MED26: variants seen among roughly 807,000 people sequenced by gnomAD.
The protein encoded by MED26 is mediator of RNA polymerase II transcription subunit 26.
MED26 carries 7 observed loss-of-function variants against 43.7 expected under a neutral mutation model. That is an observed-to-expected ratio of 0.16 (90% CI 0.09 to 0.30). The LOEUF (loss-of-function observed/expected upper bound fraction) is 0.30, where lower values mean the gene tolerates loss of function less well. Ranked by LOEUF, MED26 falls within the 10% of genes least tolerant of loss-of-function variation. The pLI is 1.00. For synonymous variants in MED26, 375 were observed against 371.1 expected, an observed-to-expected ratio of 1.01 and a Z score of -0.12; for missense variants, 784 against 840.6, an observed-to-expected ratio of 0.93 and a Z score of 0.83.
chr19:16,590,266 C>G (rs2086089844), intron 1 of MED26, among the ~76,000 whole-genome samples: 1 of 152,206 alleles, frequency 6.6e-6, no homozygotes, highest in African/African-American at 2.4e-5. Flanking sequence ...CCACCCCCAA[C>G]AGGTATTAAG....
At chr19:16,624,309 T>C (rs993536230) in intron 1 of MED26, 1 of 152,222 alleles carries the variant, frequency 6.6e-6, no homozygotes, top group Admixed American at 6.5e-5. Context: ...ATGATCTTTC[T>C]TGCTGTGTCT....
chr19:16,616,179 T>G (rs754903483), intron 1 of MED26, among the ~76,000 whole-genome samples: 1 of 152,316 alleles, frequency 6.6e-6, no homozygotes, highest in Non-Finnish European at 1.5e-5. Context: ...AGCATGCATG[T>G]GAGCACCCAG....
chr19:16,606,288 C>T (rs530464646), intron 1 of MED26, among the ~76,000 whole-genome samples: 7 of 152,174 alleles, frequency 4.6e-5, no homozygotes, highest in African/African-American at 1.7e-4. Flanking sequence ...CAGTGACTCA[C>T]GCCTGTAATC....
At chr19:16,601,782 C>G (rs753203885) in intron 1 of MED26, among the ~76,000 whole-genome samples, 4 of 152,262 alleles carry the variant, frequency 2.6e-5, no homozygotes, top group Non-Finnish European at 5.9e-5. Flanking sequence ...GGTGGGGACA[C>G]CTCCCGGCAG....
At chr19:16,619,541 A>G (rs1377944390) in intron 1 of MED26, among the ~76,000 whole-genome samples, 2 of 152,224 alleles carry the variant, frequency 1.3e-5, no homozygotes, top group Non-Finnish European at 2.9e-5. Context: ...CAGAGAGCCA[A>G]TGTGACCAGG....
chr19:16,606,184 C>T (rs1171168425), intron 1 of MED26, among the ~76,000 whole-genome samples: 3 of 152,222 alleles, frequency 2.0e-5, no homozygotes, highest in African/African-American at 7.2e-5. Context: ...GGAGAGGCTG[C>T]GGTGACTCTT....
intron 2 of MED26, 147 bp downstream of exon 2, chr19:16,578,188 C>T (rs752798631): frequency 1.3e-6 from 1 of 770,418 alleles, no homozygotes; most frequent in Non-Finnish European, 2.3e-6. Flanking sequence ...AGCAAGATCG[C>T]GAGGCACGAG....
intron 1 of MED26, among the ~76,000 whole-genome samples, chr19:16,601,787 C>T (rs916930964): frequency 3.9e-5 from 6 of 152,244 alleles, no homozygotes; most frequent in East Asian, 1.9e-4. Flanking sequence ...GGACACCTCC[C>T]GGCAGGCCAC....
intron 1 of MED26, among the ~76,000 whole-genome samples, chr19:16,582,131 G>A (rs897146557): frequency 6.6e-6 from 1 of 152,272 alleles, no homozygotes; most frequent in African/African-American, 2.4e-5. Context: ...GTAAGACACA[G>A]AGAGAGGGTG....
chr19:16,605,526 G>A (rs1056191416), intron 1 of MED26, among the ~76,000 whole-genome samples: 4 of 152,236 alleles, frequency 2.6e-5, no homozygotes, highest in African/African-American at 9.6e-5. Context: ...CCATCCACCT[G>A]AGGCAGGTAG....
chr19:16,615,595 A>T (rs561526504), intron 1 of MED26, among the ~76,000 whole-genome samples: 2 of 152,136 alleles, frequency 1.3e-5, no homozygotes, highest in South Asian at 4.2e-4. Flanking sequence ...AAAAATACAA[A>T]ATTAGCTGGG....
At chr19:16,593,237 A>G (rs2086106102) in intron 1 of MED26, among the ~76,000 whole-genome samples, 1 of 152,216 alleles carries the variant, frequency 6.6e-6, no homozygotes. Flanking sequence ...TGCAGAGGAC[A>G]GGGCCAAATC....
At chr19:16,609,740 A>C (rs1378083120) in intron 1 of MED26, among the ~76,000 whole-genome samples, 2 of 152,082 alleles carry the variant, frequency 1.3e-5, no homozygotes, top group African/African-American at 4.8e-5. Context: ...ATAAATGAAA[A>C]GATTAAAGAA....
intron 1 of MED26, chr19:16,589,547 T>C (rs1376312003): frequency 2.0e-5 from 3 of 151,914 alleles, no homozygotes; most frequent in Non-Finnish European, 4.4e-5. Flanking sequence ...TTGTCCTGGA[T>C]TAAAAGGTCA....
chr19:16,624,766 G>A (rs918187668), intron 1 of MED26: 1 of 152,156 alleles, frequency 6.6e-6, no homozygotes, highest in African/African-American at 2.4e-5. Context: ...AAGGCTTCTT[G>A]GTAAAATGGG....
intron 1 of MED26, among the ~76,000 whole-genome samples, chr19:16,590,822 G>C (rs113655510): frequency 5.9e-5 from 9 of 152,222 alleles, no homozygotes; most frequent in Middle Eastern, 3.4e-3. Context: ...TGGATCACCT[G>C]AGGCCAGGAG....
At chr19:16,598,952 A>T (rs1023411529) in intron 1 of MED26, among the ~76,000 whole-genome samples, 1 of 152,198 alleles carries the variant, frequency 6.6e-6, no homozygotes, top group East Asian at 1.9e-4. Flanking sequence ...TGGGGAAACA[A>T]CTGAAATCAA....
chr19:16,592,610 G>A (rs2086103034), intron 1 of MED26, among the ~76,000 whole-genome samples: 1 of 152,226 alleles, frequency 6.6e-6, no homozygotes, highest in Admixed American at 6.5e-5. Flanking sequence ...GGCATGACAT[G>A]TGGAGCCTGT....
chr19:16,578,199 CTG>C, intron 2 of MED26, 134 bp downstream of exon 2: 1 of 836,026 alleles, frequency 1.2e-6, no homozygotes, highest in East Asian at 2.5e-5. Flanking sequence ...GAGGCACGAG[CTG>C]TGAGGGCACA....
Sources: gnomAD v4.1 joint callset for allele counts (sites outside exome capture counted in the v4.1 genomes callset) on GRCh38, gnomAD v4.1.1 for gene constraint, MANE v1.5 for transcripts, NCBI Gene and HGNC (gene_info 2026-07-23, HGNC 2026-07-21) for gene names.